The following LYPLAL1 variants were observed in gnomAD, a reference collection of about 807,000 sequenced individuals.
LYPLAL1 encodes the protein lysophospholipase like 1.
LYPLAL1 carries 23 observed loss-of-function variants against 19.7 expected under a neutral mutation model. That is an observed-to-expected ratio of 1.17 (90% CI 0.84 to 1.65). The LOEUF (loss-of-function observed/expected upper bound fraction) is 1.65, where lower values mean the gene tolerates loss of function less well. Ranked by LOEUF, LYPLAL1 falls within the 40% of genes most tolerant of loss-of-function variation. LYPLAL1 has a pLI of 0.00. For missense variants in LYPLAL1, 355 were observed against 279.4 expected (o/e 1.27, Z -1.93); for synonymous variants, 119 against 96.3 (o/e 1.24, Z -1.38).
the LYPLAL1 span, among the ~76,000 whole-genome samples, chr1:219,322,097 A>C: frequency 6.6e-6 from 1 of 152,174 alleles, no homozygotes; most frequent in Admixed American, 6.5e-5. Flanking sequence ...CATTTCCCTA[A>C]ATTCTTCACT....
the LYPLAL1 span, among the ~76,000 whole-genome samples, chr1:219,343,464 A>T: frequency 6.6e-6 from 1 of 152,190 alleles, no homozygotes; most frequent in African/African-American, 2.4e-5. Context: ...ATGTATCCTT[A>T]TTGTACTTAA....
chr1:219,224,305 A>G, the LYPLAL1 span, among the ~76,000 whole-genome samples: 2 of 152,232 alleles, frequency 1.3e-5, no homozygotes, highest in East Asian at 3.9e-4. Flanking sequence ...AGGTAAGTCT[A>G]ACAACAGTAT....
the LYPLAL1 span, among the ~76,000 whole-genome samples, chr1:219,318,981 A>G: frequency 6.6e-6 from 1 of 152,170 alleles, no homozygotes; most frequent in African/African-American, 2.4e-5. Context: ...ATTGCTTCCC[A>G]TTCTTTCTCT....
chr1:219,286,144 C>T, the LYPLAL1 span, among the ~76,000 whole-genome samples: 1 of 152,130 alleles, frequency 6.6e-6, no homozygotes, highest in African/African-American at 2.4e-5. Context: ...GGGATGCAGA[C>T]TCTCCCACTG....
intron 2 of LYPLAL1, among the ~76,000 whole-genome samples, chr1:219,183,900 C>T (rs1371979374): frequency 6.6e-6 from 1 of 151,804 alleles, no homozygotes; most frequent in Non-Finnish European, 1.5e-5. Flanking sequence ...TCTTGTTACA[C>T]GTCTTTTTGT....
chr1:219,258,529 A>G, the LYPLAL1 span, among the ~76,000 whole-genome samples: 17 of 152,200 alleles, frequency 1.1e-4, no homozygotes, highest in African/African-American at 4.1e-4. Flanking sequence ...AACGTAAGGT[A>G]TATCTTTTGT....
the LYPLAL1 span, among the ~76,000 whole-genome samples, chr1:219,233,982 AGAG>A: frequency 6.6e-6 from 1 of 152,184 alleles, no homozygotes; most frequent in Non-Finnish European, 1.5e-5. Flanking sequence ...GTGATGGGGC[AGAG>A]GAGGAGAAGT....
In LYPLAL1 at chr1:219,193,111, C is replaced by T; in HGVS notation, c.221C>T (p.Ser74Phe). 1 of 1,600,664 alleles carries T rather than the reference C, an allele frequency of 6.2e-7. No individual in the cohort carries two copies. Among genetic ancestry groups the T allele is most frequent in the Non-Finnish European group, 8.5e-7 (1 of 1,171,728 alleles). ...RSYTPMKGGI[S>F]NVWFDRFKIT... ...TATACTCCTATGAAAGGAGGAATCT[C>T]CAATGTATGGTTTGACAGATTTAAA... The change falls in exon 3 of 5, where the codon TCC becomes TTC. Residue 74 changes from serine (S) to phenylalanine (F), a missense_variant. Transcript: ENST00000366928.
the LYPLAL1 span, among the ~76,000 whole-genome samples, chr1:219,339,593 ATGC>A: frequency 6.6e-6 from 1 of 152,064 alleles, no homozygotes; most frequent in Non-Finnish European, 1.5e-5. Flanking sequence ...TTAAAAATAG[ATGC>A]TAGTCTTCTA....
the LYPLAL1 span, among the ~76,000 whole-genome samples, chr1:219,300,115 C>T: frequency 1.3e-5 from 2 of 152,248 alleles, no homozygotes; most frequent in South Asian, 4.1e-4. Context: ...TCTTGAGTAG[C>T]AGGGTCTACA....
chr1:219,423,771 A>G, the LYPLAL1 span, among the ~76,000 whole-genome samples: 1,807 of 152,174 alleles, frequency 0.012, 29 homozygotes, highest in African/African-American at 0.041. Context: ...TAGCAGCATC[A>G]CTCAGACACT....
chr1:219,319,206 G>A, the LYPLAL1 span, among the ~76,000 whole-genome samples: 1 of 152,190 alleles, frequency 6.6e-6, no homozygotes, highest in Non-Finnish European at 1.5e-5. Flanking sequence ...CTCAGAGCAT[G>A]TTGCTGGGCA....
At chr1:219,427,703 T>C in the LYPLAL1 span, among the ~76,000 whole-genome samples, 4 of 152,210 alleles carry the variant, frequency 2.6e-5, no homozygotes, top group Non-Finnish European at 4.4e-5. Context: ...TCCTCTGAGA[T>C]GAGAAACAGC....
At chr1:219,383,651 G>A in the LYPLAL1 span, among the ~76,000 whole-genome samples, 19 of 152,240 alleles carry the variant, frequency 1.2e-4, no homozygotes, top group African/African-American at 4.3e-4. Flanking sequence ...AAGAACCCAT[G>A]CATAATATTT....
chr1:219,392,942 GA>G, the LYPLAL1 span, among the ~76,000 whole-genome samples: 1 of 152,052 alleles, frequency 6.6e-6, no homozygotes, highest in African/African-American at 2.4e-5. Context: ...TAAATTGTTG[GA>G]AAAATAAAAT....
the LYPLAL1 span, among the ~76,000 whole-genome samples, chr1:219,279,527 A>T: frequency 5.9e-5 from 9 of 152,216 alleles, no homozygotes; most frequent in Non-Finnish European, 1.2e-4. Context: ...TCTGAAACAC[A>T]GAGTGTAGGA....
chr1:219,383,081 A>G, the LYPLAL1 span, among the ~76,000 whole-genome samples: 1 of 152,248 alleles, frequency 6.6e-6, no homozygotes, highest in Non-Finnish European at 1.5e-5. Flanking sequence ...AACCAACAAC[A>G]AAACAACAAT....
At chr1:219,354,048 T>C in the LYPLAL1 span, among the ~76,000 whole-genome samples, 1 of 151,930 alleles carries the variant, frequency 6.6e-6, no homozygotes, top group African/African-American at 2.4e-5. Flanking sequence ...AACATGGAAG[T>C]AGAAACAGTC....
chr1:219,265,176 A>G, the LYPLAL1 span, among the ~76,000 whole-genome samples: 1 of 152,230 alleles, frequency 6.6e-6, no homozygotes, highest in African/African-American at 2.4e-5. Flanking sequence ...TGGGGTATAT[A>G]TAGCACTCTC....
Sources: allele counts gnomAD v4.1 joint callset (sites outside exome capture counted in the v4.1 genomes callset), GRCh38; gene constraint gnomAD v4.1.1; transcripts MANE v1.5; gene names NCBI Gene and HGNC (gene_info 2026-07-23, HGNC 2026-07-21).